EXOC6B: variants seen among roughly 807,000 people sequenced by gnomAD.
EXOC6B encodes exocyst complex component 6B, also known as SEC15 homolog B.
Under a neutral mutation model 113.5 loss-of-function variants are expected in EXOC6B, and 54 were observed. That is an observed-to-expected ratio of 0.48 (90% confidence interval 0.38 to 0.60). EXOC6B has a LOEUF of 0.60. Ranked by LOEUF, EXOC6B falls within the 20% of genes least tolerant of loss-of-function variation. EXOC6B has a pLI of 0.00. For missense variants in EXOC6B, 797 were observed against 977.5 expected, an observed-to-expected ratio of 0.82 and a Z score of 2.46; for synonymous variants, 357 against 339.0, an observed-to-expected ratio of 1.05 and a Z score of -0.58.
At chr2:72,353,329 T>C (rs1689768107) in intron 19 of EXOC6B, among the ~76,000 whole-genome samples, 1 of 111,510 alleles carries the variant, frequency 9.0e-6, no homozygotes, top group Middle Eastern at 3.8e-3. Context: ...TCAATCCCCA[T>C]AATGAAAACT....
At chr2:72,396,302 T>A (rs1692721288) in intron 18 of EXOC6B, among the ~76,000 whole-genome samples, 1 of 152,116 alleles carries the variant, frequency 6.6e-6, no homozygotes, top group Non-Finnish European at 1.5e-5. Context: ...CAAAATATGT[T>A]AACAATTAGA....
intron 1 of EXOC6B, among the ~76,000 whole-genome samples, chr2:72,751,300 T>C (rs1479852259): frequency 6.6e-6 from 1 of 152,122 alleles, no homozygotes; most frequent in Non-Finnish European, 1.5e-5. Context: ...CAGGACAATT[T>C]GAAGTGGGGA....
chr2:72,692,658 C>G (rs1323380657), intron 6 of EXOC6B, among the ~76,000 whole-genome samples: 1 of 152,156 alleles, frequency 6.6e-6, no homozygotes, highest in Admixed American at 6.5e-5. Context: ...GCCTTTTTCA[C>G]TATATTCTTT....
chr2:72,269,379 T>C (rs1684336564), intron 20 of EXOC6B, among the ~76,000 whole-genome samples: 1 of 152,232 alleles, frequency 6.6e-6, no homozygotes, highest in South Asian at 2.1e-4. Context: ...AACTTAGCAC[T>C]GTTTAACATT....
intron 18 of EXOC6B, among the ~76,000 whole-genome samples, chr2:72,451,055 C>T (rs1420101600): frequency 2.0e-5 from 3 of 152,144 alleles, no homozygotes; most frequent in African/African-American, 7.2e-5. Flanking sequence ...CCACCTGCAA[C>T]GTAGCATATC....
At chr2:72,640,396 G>C (rs1024865223) in intron 6 of EXOC6B, among the ~76,000 whole-genome samples, 2 of 152,158 alleles carry the variant, frequency 1.3e-5, no homozygotes, top group Admixed American at 6.5e-5. Context: ...ACTCTTTGGT[G>C]TCCTGAAAGA....
intron 19 of EXOC6B, among the ~76,000 whole-genome samples, chr2:72,353,343 T>C (rs1443890244): frequency 6.6e-6 from 1 of 151,862 alleles, no homozygotes; most frequent in East Asian, 1.9e-4. Flanking sequence ...GAAAACTTTA[T>C]ATTTTGTTGT....
chr2:72,312,800 CAAA>C (rs11288459), intron 20 of EXOC6B, among the ~76,000 whole-genome samples: 1 of 113,442 alleles, frequency 8.8e-6, no homozygotes. Context: ...AAACGACAAC[CAAA>C]AAAAAAAAAA....
chr2:72,796,774 G>A (rs1188059399), intron 1 of EXOC6B, among the ~76,000 whole-genome samples: 1 of 152,062 alleles, frequency 6.6e-6, no homozygotes, highest in South Asian at 2.1e-4. Context: ...TCAACATAGT[G>A]AAGATTTGGA....
chr2:72,757,918 T>C (rs1290294347), intron 1 of EXOC6B, among the ~76,000 whole-genome samples: 3 of 152,076 alleles, frequency 2.0e-5, no homozygotes, highest in Non-Finnish European at 4.4e-5. Flanking sequence ...CCCAGCACTT[T>C]GGGAGGCCGA....
intron 6 of EXOC6B, among the ~76,000 whole-genome samples, chr2:72,683,180 A>G (rs1469449261): frequency 2.6e-5 from 4 of 152,132 alleles, no homozygotes; most frequent in Non-Finnish European, 5.9e-5. Flanking sequence ...CATCTGAATC[A>G]GTTTCACTGG....
chr2:72,714,165 G>A (rs984127722), intron 6 of EXOC6B, among the ~76,000 whole-genome samples: 4 of 152,326 alleles, frequency 2.6e-5, no homozygotes, highest in African/African-American at 9.6e-5. Flanking sequence ...TTTAGAGTTT[G>A]TCTGTTATAG....
chr2:72,431,537 C>CTATA (rs1695533199), intron 18 of EXOC6B, among the ~76,000 whole-genome samples: 2 of 150,698 alleles, frequency 1.3e-5, no homozygotes, highest in Non-Finnish European at 3.0e-5. Flanking sequence ...ATCTATCTAT[C>CTATA]TAAGACCAGG....
chr2:72,681,133 A>T (rs969276132), intron 6 of EXOC6B, among the ~76,000 whole-genome samples: 9 of 152,190 alleles, frequency 5.9e-5, no homozygotes, highest in Admixed American at 3.3e-4. Flanking sequence ...GTCTATCATG[A>T]TCTAGCTGCA....
intron 6 of EXOC6B, among the ~76,000 whole-genome samples, chr2:72,588,654 A>C (rs1218282442): frequency 6.6e-6 from 1 of 152,002 alleles, no homozygotes; most frequent in Non-Finnish European, 1.5e-5. Context: ...TTACAGCTTG[A>C]CCACACTGGA....
chr2:72,295,482 A>G (rs1686074846), intron 20 of EXOC6B, among the ~76,000 whole-genome samples: 1 of 152,252 alleles, frequency 6.6e-6, no homozygotes, highest in Non-Finnish European at 1.5e-5. Context: ...CCAGAGAGTG[A>G]CTGTTTTAGG....
At chr2:72,431,300 G>A (rs1239605789) in intron 18 of EXOC6B, among the ~76,000 whole-genome samples, 1 of 152,062 alleles carries the variant, frequency 6.6e-6, no homozygotes, top group Non-Finnish European at 1.5e-5. Flanking sequence ...ACAATTTTAT[G>A]ATGAATTTTA....
chr2:72,303,072 T>C (rs913384359), intron 20 of EXOC6B, among the ~76,000 whole-genome samples: 3 of 152,224 alleles, frequency 2.0e-5, no homozygotes, highest in African/African-American at 7.2e-5. Context: ...TCTCCTTTAC[T>C]AAGGAAGCTT....
chr2:72,725,733 T>C (rs1680260532), intron 5 of EXOC6B, among the ~76,000 whole-genome samples: 1 of 152,156 alleles, frequency 6.6e-6, no homozygotes, highest in South Asian at 2.1e-4. Context: ...ATGCAGAAAT[T>C]GGAAACATCT....
Sources: allele counts gnomAD v4.1 joint callset (sites outside exome capture counted in the v4.1 genomes callset), GRCh38; gene constraint gnomAD v4.1.1; transcripts MANE v1.5; gene names NCBI Gene and HGNC (gene_info 2026-07-23, HGNC 2026-07-21).